The following KLK7 variants were observed in gnomAD, a reference collection of about 807,000 sequenced individuals.
The protein encoded by KLK7 is kallikrein related peptidase 7.
In KLK7, 17 loss-of-function variants were observed where a neutral mutation model predicts 21.0. That is an observed-to-expected ratio of 0.81 (90% CI 0.55 to 1.21). The LOEUF (loss-of-function observed/expected upper bound fraction) is 1.21. KLK7 is among the 50% of genes most tolerant of loss of function. The pLI is 0.00. For synonymous variants in KLK7, 151 were observed against 134.6 expected, an observed-to-expected ratio of 1.12 and a Z score of -0.85; for missense variants, 330 against 322.8, an observed-to-expected ratio of 1.02 and a Z score of -0.17.
upstream of KLK7, chr19:50,984,057 G>C (rs926010283): frequency 1.8e-6 from 1 of 542,366 alleles, no homozygotes; most frequent in East Asian, 6.9e-5. Flanking sequence ...GACGCAGCGA[G>C]AGCAATTGGC....
intron 4 of KLK7, 40 bp from the exon 5 acceptor site, chr19:50,979,964 T>C: frequency 1.3e-6 from 2 of 1,571,108 alleles, no homozygotes; most frequent in Non-Finnish European, 1.7e-6. Flanking sequence ...TCAGAGAGGA[T>C]GGGGGCGAGG....
intron 1 of KLK7, among the ~76,000 whole-genome samples, chr19:50,983,213 C>T (rs1401410934): frequency 8.0e-6 from 1 of 125,320 alleles, no homozygotes; most frequent in African/African-American, 3.3e-5. Flanking sequence ...GTCCAGGCCC[C>T]AGCCCCTCCT....
rs2091046397 is a variant in KLK7, at chr19:50,977,512, A to G, written c.*24T>C. 1 of 1,607,696 alleles carries G rather than the reference A, an allele frequency of 6.2e-7. No homozygotes were observed. Among genetic ancestry groups the G allele is most frequent in the East Asian group, 2.2e-5 (1 of 44,736 alleles). Reference sequence around the variant, plus strand: ...CCTGTGCATTTTCTGTTGGAAGCACACAGTTAATTAACTCAGTGTGGCGTT... The same window carrying G: ...CCTGTGCATTTTCTGTTGGAAGCACGCAGTTAATTAACTCAGTGTGGCGTT... On this transcript the variant is annotated 3_prime_UTR_variant, in exon 6 of 6. Transcript: ENST00000595820.
At chr19:50,980,702 A>AG (rs1390560857) in intron 3 of KLK7, among the ~76,000 whole-genome samples, 3 of 78,082 alleles carry the variant, frequency 3.8e-5, no homozygotes, top group Admixed American at 1.7e-4. Flanking sequence ...AGACCCAGAG[A>AG]GGGGGGGACA....
rs779389730 is a variant in KLK7, at chr19:50,981,776, C to T, written c.212G>A (p.Cys71Tyr). 1.3e-6 allele frequency: 2 copies of T among 1,573,864 alleles called. No individual in the cohort carries two copies. The highest frequency in any genetic ancestry group is 1.9e-5 in the Admixed American group (1 of 51,510). The change falls in exon 3 of 6, where the codon TGC becomes TAC. Residue 71 changes from cysteine (C) to tyrosine (Y), a missense_variant. Transcript: ENST00000595820. ...CTTGGGCGGCACCTACTTCATCTTG[C>T]AGTGGGCGGCAGTGAGCACCCAGCG... ...NERWVLTAAH[C>Y]KMNEYTVHLG...
At chr19:50,978,516 GAGAC>G (rs988992438) in intron 5 of KLK7, among the ~76,000 whole-genome samples, 2 of 148,582 alleles carry the variant, frequency 1.3e-5, no homozygotes, top group Admixed American at 1.3e-4. Flanking sequence ...AGGGAGAAGA[GAGAC>G]AGACAAAGAG....
At chr19:50,979,330 C>T (rs187039284) in intron 5 of KLK7, among the ~76,000 whole-genome samples, 2 of 152,334 alleles carry the variant, frequency 1.3e-5, no homozygotes, top group African/African-American at 4.8e-5. Context: ...GCCAGTACAG[C>T]GCTGTGCTGA....
chr19:50,980,283 G>A lies in KLK7; in HGVS notation c.426C>T (p.Thr142=). ...TGCCCCAGCCGGAGACAGTACAGGT[G>A]GTTCCAGGGGGTTCGCAGCGGGAGG... The part of the protein sequence containing the change: ...RLPSRCEPPG[T]TCTVSGWGTT... Residue 142 remains threonine, a synonymous_variant, in exon 4 of 6, where the codon ACC becomes ACT. Transcript: ENST00000595820. 6.2e-7 allele frequency: 1 copy of A among 1,614,040 alleles called. No homozygotes were observed. Among genetic ancestry groups the A allele is most frequent in the Non-Finnish European group, 8.5e-7 (1 of 1,179,966 alleles).
chr19:50,980,703 G>GA (rs756902522), intron 3 of KLK7, among the ~76,000 whole-genome samples: 1 of 122,996 alleles, frequency 8.1e-6, no homozygotes, highest in African/African-American at 3.1e-5. Flanking sequence ...GACCCAGAGA[G>GA]GGGGGGACAG....
intron 3 of KLK7, 51 bp from the exon 4 acceptor site, chr19:50,980,538 G>A: frequency 6.2e-7 from 1 of 1,609,034 alleles, no homozygotes; most frequent in Non-Finnish European, 8.5e-7. Flanking sequence ...GACAGAGAGG[G>A]TGTGCAAAGA....
intron 1 of KLK7, 92 bp downstream of exon 1, chr19:50,983,759 C>T: frequency 7.9e-7 from 1 of 1,267,040 alleles, no homozygotes; most frequent in African/African-American, 1.5e-5. Flanking sequence ...GGAGTCTAGG[C>T]TGCAGCCCCT....
intron 2 of KLK7, 78 bp downstream of exon 2, chr19:50,982,249 G>C (rs904745052): frequency 8.5e-6 from 13 of 1,537,682 alleles, no homozygotes; most frequent in Middle Eastern, 3.4e-4. Flanking sequence ...AGGAGGGAAG[G>C]GTTCTGACTC....
Position 50,980,239 on chromosome 19 carries a change from C to A in KLK7, c.469+1G>T. The stretch of plus-strand genomic sequence containing the variant: ...ACTCCTGGGTCACTGAGGCCACCTA[C>A]CATCTGGGCTCGTGGTAGTGCCCCA... On this transcript the variant is annotated splice_donor_variant, in intron 4 of 5. Transcript: ENST00000595820. LOFTEE classifies it high-confidence loss of function. 3 of 1,613,656 alleles carry A rather than the reference C, an allele frequency of 1.9e-6. No homozygotes were observed. Among genetic ancestry groups the A allele is most frequent in the Non-Finnish European group, 2.5e-6 (3 of 1,179,862 alleles).
rs201887544 is a variant in KLK7, at chr19:50,979,773, G to A, written c.606+15C>T. ...GTACCCAGGACTGGGGAGGAATTGG[G>A]GGGGAGGGTCTCACATTGCAGGCGT... On this transcript the variant is annotated intron_variant, in intron 5 of 5. Coordinates refer to ENST00000595820, the MANE Select transcript of KLK7 (RefSeq NM_005046.4). 1.6e-5 allele frequency: 25 copies of A among 1,562,918 alleles called. No homozygotes were observed. Among genetic ancestry groups the A allele is most frequent in the Non-Finnish European group, 2.0e-5 (23 of 1,152,788 alleles).
chr19:50,980,250 C>A lies in KLK7; in HGVS notation c.459G>T (p.Thr153=). Reference sequence around the variant, plus strand: ...ACTGAGGCCACCTACCATCTGGGCTCGTGGTAGTGCCCCAGCCGGAGACAG... The same window carrying A: ...ACTGAGGCCACCTACCATCTGGGCTAGTGGTAGTGCCCCAGCCGGAGACAG... ...TCTVSGWGTT[T]SPDVTFPSDL... Residue 153 remains threonine, a synonymous_variant, in exon 4 of 6, where the codon ACG becomes ACT. Transcript: ENST00000595820. 1 of 1,613,758 alleles carries A rather than the reference C, an allele frequency of 6.2e-7. No individual in the cohort carries two copies. Among genetic ancestry groups the A allele is most frequent in the Non-Finnish European group, 8.5e-7 (1 of 1,179,898 alleles).
intron 5 of KLK7, among the ~76,000 whole-genome samples, chr19:50,978,596 G>T (rs1722555): frequency 0.6 from 71,650 of 119,574 alleles, 22,212 homozygotes; most frequent in Non-Finnish European, 0.69. Flanking sequence ...AAGAAAGAGG[G>T]AGAAGAGAGA....
chr19:50,982,024 T>C (rs1484102227), intron 2 of KLK7, 110 bp from the exon 3 acceptor site: 1 of 1,219,180 alleles, frequency 8.2e-7, no homozygotes, highest in Admixed American at 2.3e-5. Flanking sequence ...TGAAAATGTG[T>C]GGAGAAATAC....
chr19:50,981,991 A>G, intron 2 of KLK7, 77 bp from the exon 3 acceptor site: 1 of 1,443,318 alleles, frequency 6.9e-7, no homozygotes, highest in Non-Finnish European at 9.6e-7. Context: ...GGATTCCCAG[A>G]GTCAGAGATG....
In KLK7 at chr19:50,979,926, T is replaced by G. The variant is rs541008926; in HGVS notation, c.470-2A>C. The G allele has an allele frequency of 2.5e-6, 4 of 1,594,452 alleles. No homozygotes were observed. The African/African-American group carries it at 5.3e-5, about 21-fold the overall frequency. On this transcript the variant is annotated splice_acceptor_variant, in intron 4 of 5. Coordinates refer to ENST00000595820, the MANE Select transcript of KLK7 (RefSeq NM_005046.4). LOFTEE classifies it high-confidence loss of function. ...ACATGAGGTCAGAGGGAAAGGTCAC[T>G]GCAGGGAGGAGCAGGGAGAGCTGTC... is the stretch of plus-strand genomic sequence containing the variant.
Sources: gnomAD v4.1 joint callset for allele counts (sites outside exome capture counted in the v4.1 genomes callset) on GRCh38, gnomAD v4.1.1 for gene constraint, MANE v1.5 for transcripts, NCBI Gene and HGNC (gene_info 2026-07-23, HGNC 2026-07-21) for gene names.